TNFRSF11A: variants seen among roughly 807,000 people sequenced by gnomAD.
The protein encoded by TNFRSF11A is TNF receptor superfamily member 11a, also known as tumor necrosis factor receptor superfamily member 11A.
A neutral mutation model predicts 55.7 loss-of-function variants in TNFRSF11A; 32 were observed. That is an observed-to-expected ratio of 0.57 (90% CI 0.43 to 0.77). The LOEUF (loss-of-function observed/expected upper bound fraction) is 0.77, where lower values mean the gene tolerates loss of function less well. Among genes scored for constraint, TNFRSF11A ranks in the 30% least tolerant of loss-of-function variants. The pLI is 0.00. For missense variants in TNFRSF11A, 753 were observed against 809.8 expected (o/e 0.93, Z 0.85); for synonymous variants, 311 against 331.0 (o/e 0.94, Z 0.65).
intron 9 of TNFRSF11A, among the ~76,000 whole-genome samples, chr18:62,370,696 A>C (rs1041250687): frequency 1.3e-5 from 2 of 152,138 alleles, no homozygotes; most frequent in African/African-American, 4.8e-5. Flanking sequence ...ATGTTTGGGG[A>C]TATTTTTCAA....
intron 3 of TNFRSF11A, among the ~76,000 whole-genome samples, chr18:62,353,618 T>C (rs1478774364): frequency 6.6e-6 from 1 of 152,132 alleles, no homozygotes; most frequent in East Asian, 1.9e-4. Context: ...ATTGAGCAGG[T>C]GAATTCACAA....
At position 62,358,096 on chromosome 18, in the gene TNFRSF11A, CA is replaced by C. The variant is rs577370149; in HGVS notation, c.428-151del. 5.4e-3 allele frequency: 3,758 copies of C among 701,652 alleles called. 20 individuals carry two copies. Among genetic ancestry groups the C allele is most frequent in the Non-Finnish European group, 7.8e-3 (3,154 of 402,464 alleles). 43.5% of individuals were successfully genotyped at this position (701,652 alleles called of 1,614,324 possible). A position where few individuals can be genotyped will look rare whatever the true frequency, so the allele number is the denominator to read the frequency against. On this transcript the variant is annotated intron_variant, in intron 4 of 9. Coordinates refer to ENST00000586569, the MANE Select transcript of TNFRSF11A (RefSeq NM_003839.4). Reference sequence around the variant, plus strand: ...GCCTGTGGGAGCTGAAGAAGTTAGACACAGGGGTGGGCACAGGGGTGGGAGG... The same window carrying C: ...GCCTGTGGGAGCTGAAGAAGTTAGACCAGGGGTGGGCACAGGGGTGGGAGG...
rs541301256 is a variant in TNFRSF11A at position 62,349,945 on chromosome 18, C to T, written c.283+8C>T. 39 of 1,613,700 alleles carry T rather than the reference C, an allele frequency of 2.4e-5. No homozygotes were observed. The Admixed American group carries it at 3.7e-4, about 15-fold the overall frequency. ...ATAAAGTTTGTGATACAGGTGAGCC[C>T]GTCCTGTCAGTGTGTCAGTGGGAAG... On this transcript the variant is annotated splice_region_variant and intron_variant, in intron 3 of 9. Coordinates refer to ENST00000586569, the MANE Select transcript of TNFRSF11A (RefSeq NM_003839.4).
At chr18:62,341,110 C>T (rs1326232412) in intron 1 of TNFRSF11A, among the ~76,000 whole-genome samples, 1 of 152,210 alleles carries the variant, frequency 6.6e-6, no homozygotes, top group Non-Finnish European at 1.5e-5. Flanking sequence ...TAACAGAAAT[C>T]ACAGATATAA....
rs1911896747 is a variant in TNFRSF11A, at chr18:62,389,101, G to T, written c.*4067G>T. The T allele has an allele frequency of 6.6e-6, 1 of 152,328 alleles. No individual in the cohort carries two copies. The highest frequency in any genetic ancestry group is 2.4e-5 in the African/African-American group (1 of 41,470). 9.4% of individuals were successfully genotyped at this position (152,328 alleles called of 1,614,324 possible). A position where few individuals can be genotyped will look rare whatever the true frequency, so the allele number is the denominator to read the frequency against. ...AAGCATTCAAAGCCCTAAACACTCTGTTGGTGAATCATCATGTTTATTGAG... is the reference window on the plus strand; with the variant it reads ...AAGCATTCAAAGCCCTAAACACTCTTTTGGTGAATCATCATGTTTATTGAG... On this transcript the variant is annotated 3_prime_UTR_variant, in exon 10 of 10. Transcript: ENST00000586569.
chr18:62,343,155 A>C (rs1600366655), intron 1 of TNFRSF11A, among the ~76,000 whole-genome samples: 5 of 152,348 alleles, frequency 3.3e-5, no homozygotes, highest in African/African-American at 1.2e-4. Context: ...CTCTACTGTA[A>C]GATTCAGAAA....
In TNFRSF11A at chr18:62,385,682, C is replaced by G. The variant is rs1441651616; in HGVS notation, c.*648C>G. 1 of 149,330 alleles carries G rather than the reference C, an allele frequency of 6.7e-6. No individual in the cohort carries two copies. The highest frequency in any genetic ancestry group is 6.7e-5 in the Admixed American group (1 of 14,840). 9.3% of individuals were successfully genotyped at this position (149,330 alleles called of 1,614,324 possible). On this transcript the variant is annotated 3_prime_UTR_variant, in exon 10 of 10. Transcript: ENST00000586569. ...CGACTCCCCCCCCAGAGACACGGTC[C>G]CACCATGTTACCCAGCCTGGTCTCA...
chr18:62,374,991 G>A (rs532033724), intron 9 of TNFRSF11A, among the ~76,000 whole-genome samples: 27 of 151,432 alleles, frequency 1.8e-4, no homozygotes, highest in African/African-American at 5.8e-4. Context: ...TGCAGCCTCC[G>A]TCCCCCAGGC....
intron 1 of TNFRSF11A, among the ~76,000 whole-genome samples, chr18:62,344,460 A>G (rs1323855153): frequency 2.0e-5 from 3 of 152,228 alleles, no homozygotes; most frequent in Admixed American, 6.5e-5. Flanking sequence ...TCACTCTATT[A>G]ACTGAAGATC....
intron 1 of TNFRSF11A, among the ~76,000 whole-genome samples, chr18:62,329,907 C>T (rs1462821465): frequency 1.3e-5 from 2 of 152,176 alleles, no homozygotes; most frequent in East Asian, 3.8e-4. Context: ...CCCAAAGCAG[C>T]CCCAGTCAGC....
intron 9 of TNFRSF11A, among the ~76,000 whole-genome samples, chr18:62,382,107 CTTTTTTTTTTTT>C (rs574488222): frequency 1.6e-4 from 14 of 89,464 alleles, no homozygotes; most frequent in Admixed American, 2.9e-4. Context: ...TTCCTGAGTC[CTTTTTTTTTTTT>C]TTTTTTTTTT....
chr18:62,354,831 A>C (rs1024155474), intron 4 of TNFRSF11A, among the ~76,000 whole-genome samples: 2 of 152,182 alleles, frequency 1.3e-5, no homozygotes, highest in African/African-American at 4.8e-5. Context: ...ATCCCCACTT[A>C]GGAGCCAGCA....
At chr18:62,360,252 G>C (rs540720236) in intron 6 of TNFRSF11A, among the ~76,000 whole-genome samples, 2 of 152,022 alleles carry the variant, frequency 1.3e-5, no homozygotes, top group Admixed American at 6.6e-5. Context: ...CACTGGATTG[G>C]GGGTAACTAA....
intron 9 of TNFRSF11A, among the ~76,000 whole-genome samples, chr18:62,370,137 A>T (rs1427026805): frequency 6.6e-6 from 1 of 152,224 alleles, no homozygotes; most frequent in Admixed American, 6.5e-5. Flanking sequence ...AAGATGTATC[A>T]CTGCAACACT....
chr18:62,327,143 A>G (rs1170598551), intron 1 of TNFRSF11A, among the ~76,000 whole-genome samples: 1 of 152,208 alleles, frequency 6.6e-6, no homozygotes, highest in African/African-American at 2.4e-5. Flanking sequence ...TTCGGAGAAT[A>G]GGTGAGAGCC....
intron 3 of TNFRSF11A, among the ~76,000 whole-genome samples, chr18:62,351,282 C>T (rs983977797): frequency 7.9e-5 from 12 of 152,108 alleles, no homozygotes; most frequent in South Asian, 2.1e-4. Context: ...GGATTACAGG[C>T]GTGAGCCACA....
At chr18:62,381,312 T>C (rs1335729882) in intron 9 of TNFRSF11A, among the ~76,000 whole-genome samples, 1 of 152,158 alleles carries the variant, frequency 6.6e-6, no homozygotes, top group Admixed American at 6.5e-5. Flanking sequence ...ATGAAAGACT[T>C]TACACAAACC....
At position 62,387,611 on chromosome 18, in the gene TNFRSF11A, T is replaced by G. The variant is rs1911824105; in HGVS notation, c.*2577T>G. ...CTTTAATAATATATATGCTGTTGAT[T>G]TCACAAAAATTTATTAAAATACAGC... On this transcript the variant is annotated 3_prime_UTR_variant, in exon 10 of 10. Transcript: ENST00000586569. The G allele has an allele frequency of 6.6e-6, 1 of 152,178 alleles. No individual in the cohort carries two copies. Among genetic ancestry groups the G allele is most frequent in the Non-Finnish European group, 1.5e-5 (1 of 68,042 alleles). The allele number at this position is 152,178 out of a possible 1,614,324, so 9.4% of individuals were successfully genotyped here.
rs917240563 is a variant in TNFRSF11A, at chr18:62,386,022, G to A, written c.*988G>A. The A allele has an allele frequency of 6.6e-6, 1 of 152,206 alleles. No individual in the cohort carries two copies. Among genetic ancestry groups the A allele is most frequent in the Non-Finnish European group, 1.5e-5 (1 of 68,028 alleles). 9.4% of individuals were successfully genotyped at this position (152,206 alleles called of 1,614,324 possible). On this transcript the variant is annotated 3_prime_UTR_variant, in exon 10 of 10. Coordinates refer to ENST00000586569, the MANE Select transcript of TNFRSF11A (RefSeq NM_003839.4). ...ATTTATTTCTCCTGAATCTTTTTAA[G>A]TTTGTGTCGTTCCTTAAGCAGAACT...
Sources: allele counts gnomAD v4.1 joint callset (sites outside exome capture counted in the v4.1 genomes callset), GRCh38; gene constraint gnomAD v4.1.1; transcripts MANE v1.5; gene names NCBI Gene and HGNC (gene_info 2026-07-23, HGNC 2026-07-21).